Variants in PTPN13 observed in about 807,000 individuals in gnomAD.
PTPN13 encodes the protein tyrosine-protein phosphatase non-receptor type 13.
Under a neutral mutation model 284.0 loss-of-function variants are expected in PTPN13, and 191 were observed. That is an observed-to-expected ratio of 0.67 (90% CI 0.60 to 0.76). The LOEUF (loss-of-function observed/expected upper bound fraction) is 0.76, where lower values mean the gene tolerates loss of function less well. Ranked by LOEUF, PTPN13 falls within the 30% of genes least tolerant of loss-of-function variation. The probability of loss-of-function intolerance (pLI) is 0.00; values close to 1 mark genes in which losing one functional copy is unlikely to be tolerated. For missense variants in PTPN13, 2,797 were observed against 2,939.9 expected, an observed-to-expected ratio of 0.95 and a Z score of 1.12; for synonymous variants, 986 against 1,022.3, an observed-to-expected ratio of 0.96 and a Z score of 0.68.
rs1182977684 is a variant in PTPN13 at position 86,717,172 on chromosome 4, T to C, written c.1385+55T>C. The stretch of plus-strand genomic sequence containing the variant: ...TTTCCAGTGACCAGTGTTTGTTTTT[T>C]ATTTGAATTAAATGGAATTTTTTTT... On this transcript the variant is annotated intron_variant, in intron 9 of 47. Transcript: ENST00000411767. 3 of 1,303,348 alleles carry C rather than the reference T, an allele frequency of 2.3e-6. No homozygotes were observed. In the East Asian group the frequency reaches 7.1e-5, roughly 31 times the overall value. 80.7% of individuals were successfully genotyped at this position (1,303,348 alleles called of 1,614,324 possible). A position where few individuals can be genotyped will look rare whatever the true frequency, so the allele number is the denominator to read the frequency against.
At chr4:86,690,357 T>A (rs1212874479) in intron 5 of PTPN13, 1 of 152,196 alleles carries the variant, frequency 6.6e-6, no homozygotes, top group Non-Finnish European at 1.5e-5. Context: ...TTTTAAAAAT[T>A]CCTCTATGAC....
At chr4:86,652,487 CTT>C (rs1725206857) in intron 2 of PTPN13, among the ~76,000 whole-genome samples, 1 of 152,070 alleles carries the variant, frequency 6.6e-6, no homozygotes. Flanking sequence ...CTGGGGAAGT[CTT>C]TATCTCTCCT....
chr4:86,732,570 C>T lies in PTPN13; in HGVS notation c.1684-22C>T, dbSNP rs200105744. On this transcript the variant is annotated intron_variant, in intron 11 of 47. Coordinates refer to ENST00000411767, the MANE Select transcript of PTPN13 (RefSeq NM_080683.3). ...CTTATAATGCTTATTTTAATAAATG[C>T]CGTTTATTTTTTCAATTGTAGACTA... is the stretch of plus-strand genomic sequence containing the variant. 7 of 1,599,924 alleles carry T rather than the reference C, an allele frequency of 4.4e-6. No individual in the cohort carries two copies. The Middle Eastern group carries it at 5.0e-4, about 115-fold the overall frequency.
At chr4:86,784,676 G>T (rs772520403) in intron 38 of PTPN13, 118 bp downstream of exon 38, 30 of 646,116 alleles carry the variant, frequency 4.6e-5, no homozygotes, top group African/African-American at 1.7e-4. Flanking sequence ...TAAAGGGAAA[G>T]ATTATTGGTC....
rs544208268 is a variant in PTPN13 at position 86,775,830 on chromosome 4, A to G, written c.5891+178A>G. On this transcript the variant is annotated intron_variant, in intron 35 of 47. Transcript: ENST00000411767. ...GCGATTTTGAGAACACTAAGTGAAT[A>G]ATAGAATGGTTACCACATTTATCAG... Among the ~76,000 whole-genome samples the G allele has an allele frequency of 2.6e-5, 4 of 152,376 alleles. No individual in the cohort carries two copies. In the East Asian group the frequency reaches 5.8e-4, roughly 22 times the overall value.
chr4:86,764,193 A>C (rs1739023983), intron 24 of PTPN13, among the ~76,000 whole-genome samples: 1 of 152,170 alleles, frequency 6.6e-6, no homozygotes, highest in South Asian at 2.1e-4. Flanking sequence ...CTAATTTGTA[A>C]ATTTAGGAAT....
chr4:86,702,692 A>G (rs894292745), intron 7 of PTPN13, among the ~76,000 whole-genome samples: 1 of 152,168 alleles, frequency 6.6e-6, no homozygotes, highest in African/African-American at 2.4e-5. Context: ...GTATAAATAG[A>G]TGTGACATAT....
chr4:86,616,068 A>C (rs1296239580), intron 1 of PTPN13, among the ~76,000 whole-genome samples: 1 of 152,186 alleles, frequency 6.6e-6, no homozygotes, highest in African/African-American at 2.4e-5. Context: ...AGAGAGGGTA[A>C]ATGAGATTTG....
At chr4:86,764,149 G>T (rs576396243) in intron 24 of PTPN13, among the ~76,000 whole-genome samples, 67 of 152,174 alleles carry the variant, frequency 4.4e-4, no homozygotes, top group Middle Eastern at 3.4e-3. Context: ...AAAAGCTACT[G>T]CTTGATATAT....
At chr4:86,653,196 T>C (rs1386994176) in intron 2 of PTPN13, among the ~76,000 whole-genome samples, 1 of 152,166 alleles carries the variant, frequency 6.6e-6, no homozygotes, top group Non-Finnish European at 1.5e-5. Flanking sequence ...TATTTTGAAT[T>C]TCCTATCTGA....
Position 86,762,879 on chromosome 4 carries a change from T to C in PTPN13, c.3706T>C (p.Ser1236Pro), listed in dbSNP as rs1354406811. Residue 1236 changes from serine (S) to proline (P), a missense_variant, in exon 24 of 48, where the codon TCT becomes CCT. Coordinates refer to ENST00000411767, the MANE Select transcript of PTPN13 (RefSeq NM_080683.3). ...CATCTCGGAGAACTCCTTTGGGCCA[T>C]CTGGGGGCCTGCGGGAAGGAAGCCT... ...RHISENSFGPSGGLREGSLSS... is the reference protein window; with the variant it reads ...RHISENSFGPPGGLREGSLSS... 1.9e-6 allele frequency: 3 copies of C among 1,613,794 alleles called. No individual in the cohort carries two copies. Among genetic ancestry groups the C allele is most frequent in the Admixed American group, 1.7e-5 (1 of 60,012 alleles).
Position 86,762,845 on chromosome 4 carries a change from C to T in PTPN13, c.3672C>T (p.Thr1224=), listed in dbSNP as rs765732616. The change falls in exon 24 of 48, where the codon ACC becomes ACT. Residue 1224 remains threonine, a synonymous_variant. Transcript: ENST00000411767. ...AGGATCACCACTGGTCACGTGGTAC[C>T]CTGAGGCACATCTCGGAGAACTCCT... The part of the protein sequence containing the change: ...SSKDHHWSRG[T]LRHISENSFG... The T allele has an allele frequency of 2.5e-6, 4 of 1,613,810 alleles. No homozygotes were observed. Among genetic ancestry groups the T allele is most frequent in the Non-Finnish European group, 2.5e-6 (3 of 1,179,832 alleles).
chr4:86,667,212 A>G (rs568046001), intron 2 of PTPN13, among the ~76,000 whole-genome samples: 39 of 152,330 alleles, frequency 2.6e-4, no homozygotes, highest in African/African-American at 9.1e-4. Context: ...AATTCTTGAG[A>G]ACCAAAAGTT....
chr4:86,763,851 C>T (rs149506531), intron 24 of PTPN13, among the ~76,000 whole-genome samples: 2 of 151,796 alleles, frequency 1.3e-5, no homozygotes, highest in Non-Finnish European at 2.9e-5. Context: ...CCCAGGCGAT[C>T]GAGCCAGACC....
intron 40 of PTPN13, among the ~76,000 whole-genome samples, chr4:86,791,499 G>A (rs1206572913): frequency 6.6e-6 from 1 of 152,196 alleles, no homozygotes; most frequent in Non-Finnish European, 1.5e-5. Context: ...AGAGAGCAAT[G>A]GTTCTCCCAG....
intron 17 of PTPN13, among the ~76,000 whole-genome samples, chr4:86,749,025 G>T (rs1433477343): frequency 6.6e-6 from 1 of 152,096 alleles, no homozygotes; most frequent in Non-Finnish European, 1.5e-5. Flanking sequence ...TTATAACTTG[G>T]TGCCCACTTC....
At chr4:86,665,869 G>T (rs1231413801) in intron 2 of PTPN13, among the ~76,000 whole-genome samples, 1 of 152,092 alleles carries the variant, frequency 6.6e-6, no homozygotes, top group Non-Finnish European at 1.5e-5. Context: ...AAAATTCAAG[G>T]AGTGACTTTT....
Position 86,772,780 on chromosome 4 carries a change from A to G in PTPN13, c.5171A>G (p.Asn1724Ser). 1.2e-6 allele frequency: 2 copies of G among 1,601,398 alleles called. No individual in the cohort carries two copies. The highest frequency in any genetic ancestry group is 1.7e-6 in the Non-Finnish European group (2 of 1,175,940). Residue 1724 changes from asparagine (N) to serine (S), a missense_variant and splice_region_variant, in exon 32 of 48, where the codon AAT (asparagine) becomes AGT (serine). By Grantham distance (46) the Asn-to-Ser change is conservative. Coordinates refer to ENST00000411767, the MANE Select transcript of PTPN13 (RefSeq NM_080683.3). ...GTCTTACTTCTTTGTCTCTGTAGTAATCCTTCCCCTCTACCACCGGATATG... is the reference window on the plus strand; with the variant it reads ...GTCTTACTTCTTTGTCTCTGTAGTAGTCCTTCCCCTCTACCACCGGATATG... ...IPNKPEFEDS[N>S]PSPLPPDMAP...
intron 15 of PTPN13, 97 bp from the exon 16 acceptor site, chr4:86,741,537 T>C: frequency 9.4e-7 from 1 of 1,064,150 alleles, no homozygotes; most frequent in Non-Finnish European, 1.4e-6. Context: ...AGATGAGATT[T>C]GTGGGGGGAC....
Sources: allele counts gnomAD v4.1 joint callset (sites outside exome capture counted in the v4.1 genomes callset), GRCh38; gene constraint gnomAD v4.1.1; transcripts MANE v1.5; gene names NCBI Gene and HGNC (gene_info 2026-07-23, HGNC 2026-07-21).